RAPH1: variants seen among roughly 807,000 people sequenced by gnomAD.
RAPH1 encodes ras-associated and pleckstrin homology domains-containing protein 1.
Under a neutral mutation model 88.1 loss-of-function variants are expected in RAPH1, and 18 were observed. That is an observed-to-expected ratio of 0.20 (90% CI 0.14 to 0.30). The LOEUF (loss-of-function observed/expected upper bound fraction) is 0.30. RAPH1 is among the 10% of genes least tolerant of loss of function. The probability of loss-of-function intolerance (pLI) is 1.00; values close to 1 mark genes in which losing one functional copy is unlikely to be tolerated. For missense variants in RAPH1, 1,448 were observed against 1,543.2 expected (o/e 0.94, Z 1.03); for synonymous variants, 587 against 559.0 (o/e 1.05, Z -0.71).
intron 4 of RAPH1, among the ~76,000 whole-genome samples, chr2:203,488,615 A>AAC (rs1688099605): frequency 6.7e-6 from 1 of 149,208 alleles, no homozygotes; most frequent in African/African-American, 2.5e-5. Context: ...AAAAAAAAAA[A>AAC]AAACCTGTTT....
At chr2:203,512,625 T>A (rs1689401970) in intron 1 of RAPH1, among the ~76,000 whole-genome samples, 1 of 147,420 alleles carries the variant, frequency 6.8e-6, no homozygotes, top group African/African-American at 2.5e-5. Flanking sequence ...CCTTACCTTT[T>A]TTTTTTTTTT....
At chr2:203,444,824 G>T in intron 13 of RAPH1, 44 bp downstream of exon 13, 2 of 1,590,180 alleles carry the variant, frequency 1.3e-6, no homozygotes, top group Non-Finnish European at 1.7e-6. Context: ...AAACCCAAAA[G>T]AATACCACAG....
At chr2:203,532,810 G>A (rs1690447192) in intron 1 of RAPH1, among the ~76,000 whole-genome samples, 1 of 152,160 alleles carries the variant, frequency 6.6e-6, no homozygotes, top group Non-Finnish European at 1.5e-5. Context: ...TATAGGTAAA[G>A]GAATTAAGAG....
Position 203,459,887 on chromosome 2 carries a change from T to C in RAPH1, c.1092+20A>G, listed in dbSNP as rs1553622115. The C allele has an allele frequency of 2.5e-6, 4 of 1,607,374 alleles. No individual in the cohort carries two copies. The African/African-American group carries it at 4.0e-5, about 16-fold the overall frequency. On this transcript the variant is annotated intron_variant, in intron 7 of 13. Coordinates refer to ENST00000319170, the MANE Select transcript of RAPH1 (RefSeq NM_213589.3). The stretch of plus-strand genomic sequence containing the variant: ...AGACATATTTACAAATCCTGACCTC[T>C]GTAAGTTGTTTGGTCTTACCTGTGG...
At chr2:203,492,701 T>C (rs1231630897) in intron 2 of RAPH1, among the ~76,000 whole-genome samples, 11 of 152,198 alleles carry the variant, frequency 7.2e-5, no homozygotes, top group Admixed American at 7.2e-4. Flanking sequence ...CTTTAATTTA[T>C]ATCTACAGTA....
intron 1 of RAPH1, among the ~76,000 whole-genome samples, chr2:203,515,049 A>G (rs60488825): frequency 0.026 from 3,894 of 152,264 alleles, 188 homozygotes; most frequent in African/African-American, 0.089. Context: ...GCATGTGTAC[A>G]TACACTTTGA....
intron 2 of RAPH1, among the ~76,000 whole-genome samples, chr2:203,494,092 C>T (rs1688402806): frequency 6.8e-6 from 1 of 147,056 alleles, no homozygotes; most frequent in South Asian, 2.2e-4. Context: ...GCAAGAATTA[C>T]ACGAAGAGTT....
rs570650660 is a variant in RAPH1 at position 203,486,156 on chromosome 2, G to A, written c.732+3428C>T. Among the ~76,000 whole-genome samples, 14 of 151,528 alleles carry A rather than the reference G, an allele frequency of 9.2e-5. 1 individual carries two copies. In the South Asian group the frequency reaches 2.5e-3, roughly 27 times the overall value. On this transcript the variant is annotated intron_variant, in intron 4 of 13. Transcript: ENST00000319170. ...TTTAAGAAGATGCAATTAATGGAAC[G>A]CTAATTTGGCTTGAACCAGAGAGAT...
chr2:203,506,812 CTA>C lies in RAPH1; in HGVS notation c.1-11461_1-11460del, dbSNP rs768853766. 3.6e-3 allele frequency among the ~76,000 whole-genome samples: 188 copies of C among 52,216 alleles called. 16 individuals carry two copies. Among genetic ancestry groups the C allele is most frequent in the African/African-American group, 0.018 (166 of 9,396 alleles). 34.3% of individuals were successfully genotyped at this position (52,216 alleles called of 152,430 possible). A position where few individuals can be genotyped will look rare whatever the true frequency, so the allele number is the denominator to read the frequency against. ...TATATATCTATATATATATCTATAT[CTA>C]TATATCTATATATATATCTATATCT... On this transcript the variant is annotated intron_variant, in intron 1 of 13. Transcript: ENST00000319170.
At chr2:203,469,216 G>T (rs1300833593) in intron 4 of RAPH1, among the ~76,000 whole-genome samples, 1 of 151,956 alleles carries the variant, frequency 6.6e-6, no homozygotes, top group Non-Finnish European at 1.5e-5. Context: ...GAACGAAGAG[G>T]GAAGAGCTGA....
At position 203,447,940 on chromosome 2, in the gene RAPH1, T is replaced by G. The variant is rs1247035501; in HGVS notation, c.1633+19A>C. 6.2e-7 allele frequency: 1 copy of G among 1,613,492 alleles called. No homozygotes were observed. Among genetic ancestry groups the G allele is most frequent in the East Asian group, 2.2e-5 (1 of 44,826 alleles). ...TTCATATTAATCGCAAAATAGTGCT[T>G]TGAAGCATTTTGAACTACCTGGGAT... On this transcript the variant is annotated intron_variant, in intron 12 of 13. Transcript: ENST00000319170.
At position 203,440,633 on chromosome 2, in the gene RAPH1, AGGGAGG is replaced by A. The variant is rs2098502745; in HGVS notation, c.2551_2556del (p.Pro851_Pro852del). The A allele has an allele frequency of 7.3e-7, 1 of 1,368,098 alleles. No homozygotes were observed. The highest frequency in any genetic ancestry group is 9.6e-7 in the Non-Finnish European group (1 of 1,042,944). 84.7% of individuals were successfully genotyped at this position (1,368,098 alleles called of 1,614,324 possible). ...ACCGAGGGCACCGGTGACAGTGGAG[AGGGAGG>A]GGGTTTTGCACAGAAGCTCTGTTGC... On this transcript the variant is annotated inframe_deletion, in exon 14 of 14. Coordinates refer to ENST00000319170, the MANE Select transcript of RAPH1 (RefSeq NM_213589.3).
chr2:203,465,507 C>T (rs111451277), intron 4 of RAPH1, among the ~76,000 whole-genome samples: 2,274 of 152,250 alleles, frequency 0.015, 20 homozygotes, highest in South Asian at 0.038. Flanking sequence ...AGGCAGAGCA[C>T]GGAGGATTTA....
chr2:203,495,656 A>C (rs1270643090), intron 1 of RAPH1, among the ~76,000 whole-genome samples: 1 of 152,168 alleles, frequency 6.6e-6, no homozygotes, highest in Non-Finnish European at 1.5e-5. Context: ...AGCAGAGGAC[A>C]TAACAGTAGT....
chr2:203,439,511 C>T lies in RAPH1; in HGVS notation c.3679G>A (p.Ala1227Thr). 1.2e-6 allele frequency: 2 copies of T among 1,614,104 alleles called. No individual in the cohort carries two copies. Among genetic ancestry groups the T allele is most frequent in the Admixed American group, 1.7e-5 (1 of 60,026 alleles). ...GGAGGGGGTCCTCTCCGCAACGTTG[C>T]ATAGCCTGATATATGACTGCCTCCG... ...GYGGSHISGY[A>T]TLRRGPPPAP... Residue 1227 changes from alanine to threonine, a missense_variant, in exon 14 of 14, where the codon GCA becomes ACA. By Grantham distance (58) the Ala-to-Thr change is moderately conservative. Around this residue, in one of 2 missense-constraint regions of RAPH1, gnomAD observed 935 missense variants for 890.1 expected, o/e 1.05. Transcript: ENST00000319170.
At chr2:203,496,968 C>G (rs1581362849) in intron 1 of RAPH1, among the ~76,000 whole-genome samples, 1 of 152,164 alleles carries the variant, frequency 6.6e-6, no homozygotes, top group Admixed American at 6.6e-5. Flanking sequence ...AAAGATATGC[C>G]TAATCTTTAC....
At chr2:203,494,276 T>C (rs1012092730) in intron 2 of RAPH1, among the ~76,000 whole-genome samples, 1 of 152,142 alleles carries the variant, frequency 6.6e-6, no homozygotes, top group African/African-American at 2.4e-5. Context: ...AATGTTCTCA[T>C]TGCCATGAAG....
chr2:203,445,806 T>C (rs1453462339), intron 12 of RAPH1: 7 of 152,216 alleles, frequency 4.6e-5, no homozygotes, highest in East Asian at 1.9e-4. Flanking sequence ...TGGTTTTTTT[T>C]CCCCATTTTA....
intron 8 of RAPH1, among the ~76,000 whole-genome samples, chr2:203,455,838 T>C (rs2098518912): frequency 6.8e-6 from 1 of 146,824 alleles, no homozygotes; most frequent in African/African-American, 2.5e-5. Context: ...TGAAACCACG[T>C]CTCTACTTAA....
Sources: gnomAD v4.1 joint callset for allele counts (sites outside exome capture counted in the v4.1 genomes callset) on GRCh38, gnomAD v4.1.1 for gene constraint, gnomAD v4.1.1 regional missense constraint, MANE v1.5 for transcripts, NCBI Gene and HGNC (gene_info 2026-07-23, HGNC 2026-07-21) for gene names.